Variants in ZER1 observed in about 807,000 individuals in gnomAD.
The protein encoded by ZER1 is zyg-11 related cell cycle regulator.
In ZER1, 11 loss-of-function variants were observed where a neutral mutation model predicts 78.8. The observed-to-expected ratio is 0.14, with a 90% confidence interval of 0.09 to 0.23. ZER1 has a LOEUF of 0.23. Among genes scored for constraint, ZER1 ranks in the 10% least tolerant of loss-of-function variants. The pLI, the probability that ZER1 is intolerant of heterozygous loss-of-function variation, is 1.00. For missense variants in ZER1, 588 were observed against 996.9 expected (o/e 0.59, Z 5.52); for synonymous variants, 400 against 407.0 (o/e 0.98, Z 0.21).
At position 128,731,251 on chromosome 9, in the gene ZER1, G is replaced by A. The variant is rs928942559; in HGVS notation, c.*86C>T. The A allele has an allele frequency of 1.1e-5, 16 of 1,393,930 alleles. 1 individual carries two copies. Among genetic ancestry groups the A allele is most frequent in the South Asian group, 1.0e-4 (8 of 77,480 alleles). The allele number at this position is 1,393,930 out of a possible 1,614,324, so 86.3% of individuals were successfully genotyped here. A position where few individuals can be genotyped will look rare whatever the true frequency, so the allele number is the denominator to read the frequency against. ...TCTTCACTCCGTGGGAGGCTCCCTC[G>A]GAAGGGGCCCGCCCGCTGGGCTGCT... On this transcript the variant is annotated 3_prime_UTR_variant, in exon 16 of 16. Transcript: ENST00000291900.
chr9:128,744,152 C>T (rs575559417), intron 8 of ZER1, among the ~76,000 whole-genome samples: 2 of 152,180 alleles, frequency 1.3e-5, no homozygotes, highest in Non-Finnish European at 2.9e-5. Flanking sequence ...CCACCTCGGC[C>T]TCCCAAAGTG....
chr9:128,752,036 C>G (rs1863696020), intron 5 of ZER1, among the ~76,000 whole-genome samples: 1 of 152,222 alleles, frequency 6.6e-6, no homozygotes, highest in Non-Finnish European at 1.5e-5. Flanking sequence ...CCCTGTCGCT[C>G]CTCATGCTCT....
At chr9:128,743,536 C>T (rs1360538763) in intron 8 of ZER1, among the ~76,000 whole-genome samples, 1 of 152,148 alleles carries the variant, frequency 6.6e-6, no homozygotes, top group African/African-American at 2.4e-5. Flanking sequence ...ATCCTCCCTC[C>T]TCAGCATCCT....
At position 128,743,583 on chromosome 9, in the gene ZER1, G is replaced by T. The variant is rs142325736; in HGVS notation, c.1360-838C>A. 5.7e-4 allele frequency among the ~76,000 whole-genome samples: 86 copies of T among 151,860 alleles called. 2 individuals are homozygous for T. The East Asian group carries it at 8.3e-3, about 15-fold the overall frequency. On this transcript the variant is annotated intron_variant, in intron 8 of 15. Transcript: ENST00000291900. ...ACTACAGCTGTGTGCCACCATATGC[G>T]CAGCTATTTTGTTTTTTGTAGAGAT...
At chr9:128,738,385 T>C (rs1296423723) in intron 13 of ZER1, among the ~76,000 whole-genome samples, 1 of 145,704 alleles carries the variant, frequency 6.9e-6, no homozygotes, top group African/African-American at 2.5e-5. Context: ...TTTATTTTTA[T>C]TTTTATTTAT....
intron 11 of ZER1, 125 bp from the exon 12 acceptor site, chr9:128,741,012 C>T: frequency 1.5e-6 from 1 of 650,602 alleles, no homozygotes. Context: ...GGCATATATG[C>T]TGCCCTCCTA....
chr9:128,763,157 C>A (rs1197088500), intron 1 of ZER1, among the ~76,000 whole-genome samples: 2 of 152,192 alleles, frequency 1.3e-5, no homozygotes, highest in Non-Finnish European at 2.9e-5. Flanking sequence ...TGCCTTCTCC[C>A]CTCCCCTACC....
At chr9:128,763,508 A>G (rs1381258778) in intron 1 of ZER1, among the ~76,000 whole-genome samples, 1 of 152,246 alleles carries the variant, frequency 6.6e-6, no homozygotes, top group East Asian at 1.9e-4. Context: ...TTGGTGAGCG[A>G]GCCGGACAAG....
intron 1 of ZER1, among the ~76,000 whole-genome samples, chr9:128,764,371 C>T (rs568045383): frequency 2.6e-5 from 4 of 152,250 alleles, no homozygotes; most frequent in South Asian, 2.1e-4. Flanking sequence ...CCTCTTGGCT[C>T]GGAGGCTCTG....
Position 128,755,366 on chromosome 9 carries a change from A to G in ZER1, c.158+42T>C, listed in dbSNP as rs756761425. 1.9e-6 allele frequency: 3 copies of G among 1,610,172 alleles called. No individual in the cohort carries two copies. The highest frequency in any genetic ancestry group is 2.5e-6 in the Non-Finnish European group (3 of 1,176,934). On this transcript the variant is annotated intron_variant, in intron 2 of 15. Coordinates refer to ENST00000291900, the MANE Select transcript of ZER1 (RefSeq NM_006336.4). This position sits in a 1 kb window ranked among gnomAD's most constrained non-coding sequence, Gnocchi z 5.6. Reference sequence around the variant, plus strand: ...GGTCCCAATCTCTCTATACACATTCATGGTAAGACCCCTGCCCCTCCTCAG... The same window carrying G: ...GGTCCCAATCTCTCTATACACATTCGTGGTAAGACCCCTGCCCCTCCTCAG...
At chr9:128,731,437 T>TGGGGGGGGGGGGGG in intron 15 of ZER1, 43 bp from the exon 16 acceptor site, 9 of 451,540 alleles carry the variant, frequency 2.0e-5, no homozygotes, top group Middle Eastern at 3.5e-4. Flanking sequence ...TGGGCTTGGG[T>TGGGGGGGGGGGGGG]GGGGGTGAGC....
chr9:128,759,742 C>T (rs963886668), intron 1 of ZER1, among the ~76,000 whole-genome samples: 5 of 151,978 alleles, frequency 3.3e-5, no homozygotes, highest in African/African-American at 1.2e-4. Flanking sequence ...TTGCAGTGAC[C>T]CAAGATGGCA....
At chr9:128,737,332 A>G (rs1343620974) in intron 13 of ZER1, among the ~76,000 whole-genome samples, 1 of 152,116 alleles carries the variant, frequency 6.6e-6, no homozygotes. Flanking sequence ...GCCTGGAGTC[A>G]TGGTCCAAAA....
intron 14 of ZER1, 142 bp from the exon 15 acceptor site, chr9:128,733,670 G>A (rs1400257772): frequency 1.5e-6 from 1 of 686,892 alleles, no homozygotes; most frequent in Non-Finnish European, 2.4e-6. Context: ...TGCTAGAAAT[G>A]GGGGCAAGAC....
At chr9:128,733,944 A>G (rs1359809193) in intron 14 of ZER1, among the ~76,000 whole-genome samples, 1 of 133,316 alleles carries the variant, frequency 7.5e-6, no homozygotes, top group Non-Finnish European at 1.6e-5. Flanking sequence ...CCTGGCTAAC[A>G]CGGTGAAACC....
intron 1 of ZER1, among the ~76,000 whole-genome samples, chr9:128,756,048 G>A (rs1589537594): frequency 6.6e-6 from 1 of 152,200 alleles, no homozygotes; most frequent in Non-Finnish European, 1.5e-5. Flanking sequence ...CACTTAGGCT[G>A]TGCCAGGGCT....
intron 1 of ZER1, among the ~76,000 whole-genome samples, chr9:128,764,671 C>T (rs917298309): frequency 2.6e-5 from 4 of 152,180 alleles, no homozygotes; most frequent in Non-Finnish European, 4.4e-5. Flanking sequence ...TGCCCTGAGA[C>T]CCATCCAGCT....
At position 128,740,282 on chromosome 9, in the gene ZER1, T is replaced by C. The variant is rs1168651604; in HGVS notation, c.1854-163A>G. Among the ~76,000 whole-genome samples, 2 of 152,094 alleles carry C rather than the reference T, an allele frequency of 1.3e-5. No homozygotes were observed. On this transcript the variant is annotated intron_variant, in intron 12 of 15. Transcript: ENST00000291900. This position sits in a 1 kb window ranked among gnomAD's most constrained non-coding sequence, Gnocchi z 4.4. ...TACTTCTAAAGGGATTTGAGGTCAT[T>C]TAAGATATAATTACAGGCTGGGCGC...
At chr9:128,752,938 G>C in intron 4 of ZER1, 89 bp from the exon 5 acceptor site, 1 of 1,484,630 alleles carries the variant, frequency 6.7e-7, no homozygotes, top group Non-Finnish European at 9.1e-7. Flanking sequence ...CTGTAGCAGG[G>C]GAGGGCCCAT....
Sources: gnomAD v4.1 joint callset for allele counts (sites outside exome capture counted in the v4.1 genomes callset) on GRCh38, gnomAD v4.1.1 for gene constraint, Gnocchi (gnomAD v3.1) non-coding constraint, MANE v1.5 for transcripts, NCBI Gene and HGNC (gene_info 2026-07-23, HGNC 2026-07-21) for gene names.